ROBO1: variants seen among roughly 807,000 people sequenced by gnomAD.
ROBO1 encodes the protein roundabout homolog 1.
ROBO1 carries 149 observed loss-of-function variants against 195.9 expected under a neutral mutation model. The observed-to-expected ratio is 0.76, with a 90% CI of 0.67 to 0.87. The LOEUF (loss-of-function observed/expected upper bound fraction) is 0.87, where lower values mean the gene tolerates loss of function less well. Among genes scored for constraint, ROBO1 ranks in the 40% least tolerant of loss-of-function variants. The probability of loss-of-function intolerance (pLI) is 0.00; values close to 1 mark genes in which losing one functional copy is unlikely to be tolerated. For missense variants in ROBO1, 1,933 were observed against 2,068.3 expected (o/e 0.93, Z 1.27); for synonymous variants, 816 against 733.2 (o/e 1.11, Z -1.82).
chr3:79,103,866 G>A (rs1387537878), intron 3 of ROBO1, among the ~76,000 whole-genome samples: 1 of 151,564 alleles, frequency 6.6e-6, no homozygotes, highest in East Asian at 1.9e-4. Flanking sequence ...TAAGGCATTT[G>A]GCCTCAACTA....
At chr3:79,662,533 C>T (rs1256097656) in intron 1 of ROBO1, among the ~76,000 whole-genome samples, 1 of 152,078 alleles carries the variant, frequency 6.6e-6, no homozygotes, top group Non-Finnish European at 1.5e-5. Context: ...CAAGTTTCTC[C>T]TCAATGGAGT....
At chr3:78,735,815 T>C (rs915132907) in intron 5 of ROBO1, among the ~76,000 whole-genome samples, 1 of 152,184 alleles carries the variant, frequency 6.6e-6, no homozygotes, top group African/African-American at 2.4e-5. Context: ...TCATTTTAGA[T>C]GGGTTGATCA....
chr3:79,170,297 T>C (rs925294633), intron 2 of ROBO1, among the ~76,000 whole-genome samples: 2 of 152,284 alleles, frequency 1.3e-5, no homozygotes, highest in South Asian at 2.1e-4. Flanking sequence ...TGTTAACACA[T>C]GAATGCTGTC....
intron 2 of ROBO1, among the ~76,000 whole-genome samples, chr3:79,551,272 G>A (rs1045520636): frequency 6.6e-6 from 1 of 151,388 alleles, no homozygotes; most frequent in East Asian, 1.9e-4. Context: ...GTGCCATGCT[G>A]GTGTGCTGCA....
Position 79,627,411 on chromosome 3 carries a change from G to A in ROBO1, c.-50-37450C>T, listed in dbSNP as rs187759227. Among the ~76,000 whole-genome samples the A allele has an allele frequency of 3.3e-3, 506 of 152,114 alleles. 1 individual carries two copies. The highest frequency in any genetic ancestry group is 0.01 in the Middle Eastern group (3 of 294). ...ATCAAGCAATGGAGAAAGGATCTCC[G>A]ATTCAGTAAATGGTGCTGGGAAAAC... is the stretch of plus-strand genomic sequence containing the variant. On this transcript the variant is annotated intron_variant, in intron 1 of 30. Transcript: ENST00000464233.
At chr3:79,256,260 A>G (rs1210217046) in intron 2 of ROBO1, among the ~76,000 whole-genome samples, 2 of 152,136 alleles carry the variant, frequency 1.3e-5, no homozygotes, top group Non-Finnish European at 2.9e-5. Context: ...CTTTGGTTCT[A>G]ATTCGGAAGA....
At chr3:78,835,856 T>C (rs1038778451) in intron 4 of ROBO1, among the ~76,000 whole-genome samples, 2 of 152,296 alleles carry the variant, frequency 1.3e-5, no homozygotes, top group East Asian at 1.9e-4. Flanking sequence ...AATGGTACTG[T>C]TAGGGCTGAC....
chr3:79,366,555 T>C lies in ROBO1; in HGVS notation c.88+223269A>G, dbSNP rs537253035. On this transcript the variant is annotated intron_variant, in intron 2 of 30. Coordinates refer to ENST00000464233, the MANE Select transcript of ROBO1 (RefSeq NM_002941.4). ...TGCTCTCTTGGCAAGAGAGCAATGT[T>C]TTATATGCCCTCCTTACTCATCGCC... 2.0e-5 allele frequency among the ~76,000 whole-genome samples: 3 copies of C among 152,290 alleles called. No individual in the cohort carries two copies. The South Asian group carries it at 6.2e-4, about 32-fold the overall frequency.
chr3:79,282,501 T>G (rs1372349829), intron 2 of ROBO1, among the ~76,000 whole-genome samples: 1 of 152,076 alleles, frequency 6.6e-6, no homozygotes, highest in South Asian at 2.1e-4. Flanking sequence ...ACAGGAGAAG[T>G]GGAAGATAGC....
intron 2 of ROBO1, among the ~76,000 whole-genome samples, chr3:79,335,341 T>C (rs1455504680): frequency 6.6e-6 from 1 of 152,110 alleles, no homozygotes; most frequent in African/African-American, 2.4e-5. Context: ...TATCTAGGAA[T>C]GGTGATATGG....
At chr3:79,498,154 A>G (rs568554541) in intron 2 of ROBO1, among the ~76,000 whole-genome samples, 2 of 152,306 alleles carry the variant, frequency 1.3e-5, no homozygotes, top group South Asian at 2.1e-4. Context: ...AGAAATATGA[A>G]AAAATAATTT....
intron 2 of ROBO1, among the ~76,000 whole-genome samples, chr3:79,255,957 C>T (rs2082825840): frequency 1.3e-5 from 2 of 152,178 alleles, no homozygotes; most frequent in African/African-American, 4.8e-5. Context: ...TAGCCTGAGG[C>T]TCTTTCAGGA....
chr3:79,591,947 C>A (rs1320495502), intron 1 of ROBO1, among the ~76,000 whole-genome samples: 1 of 151,742 alleles, frequency 6.6e-6, no homozygotes, highest in Non-Finnish European at 1.5e-5. Context: ...CCTCTGATTT[C>A]TTAAATGTGT....
At chr3:79,301,770 A>C (rs934632865) in intron 2 of ROBO1, among the ~76,000 whole-genome samples, 32 of 152,242 alleles carry the variant, frequency 2.1e-4, no homozygotes, top group African/African-American at 7.7e-4. Context: ...GTTATTCTTC[A>C]GACATACTAA....
chr3:79,309,066 A>G lies in ROBO1; in HGVS notation c.89-183527T>C, dbSNP rs1576955322. Among the ~76,000 whole-genome samples the G allele has an allele frequency of 2.0e-5, 3 of 152,042 alleles. No individual in the cohort carries two copies. The East Asian group carries it at 5.8e-4, about 30-fold the overall frequency. ...GGTAGAGTCAATGGAAAATTGAAGA[A>G]AAAAAAAGCCACTGTTATTAATTAG... is the stretch of plus-strand genomic sequence containing the variant. On this transcript the variant is annotated intron_variant, in intron 2 of 30. Transcript: ENST00000464233.
At chr3:79,180,162 A>T (rs2108728289) in intron 2 of ROBO1, among the ~76,000 whole-genome samples, 1 of 152,298 alleles carries the variant, frequency 6.6e-6, no homozygotes, top group Admixed American at 6.5e-5. Flanking sequence ...AGTCTTTAGG[A>T]TGAAGCCCAA....
chr3:79,585,535 G>T (rs1943801015), intron 2 of ROBO1, among the ~76,000 whole-genome samples: 1 of 151,918 alleles, frequency 6.6e-6, no homozygotes, highest in African/African-American at 2.4e-5. Context: ...ACCAGTAGTG[G>T]CATCAAATCT....
intron 4 of ROBO1, among the ~76,000 whole-genome samples, chr3:78,935,253 A>G (rs2039742436): frequency 6.6e-6 from 1 of 152,060 alleles, no homozygotes; most frequent in South Asian, 2.1e-4. Context: ...TTTTGCTGCT[A>G]AGATAGCCAG....
chr3:79,688,848 C>G (rs1235298900), intron 1 of ROBO1, among the ~76,000 whole-genome samples: 2 of 151,910 alleles, frequency 1.3e-5, no homozygotes, highest in Non-Finnish European at 1.5e-5. Context: ...TTTGGTACAT[C>G]TGGAAATAAT....
Sources: gnomAD v4.1 joint callset for allele counts (sites outside exome capture counted in the v4.1 genomes callset) on GRCh38, gnomAD v4.1.1 for gene constraint, MANE v1.5 for transcripts, NCBI Gene and HGNC (gene_info 2026-07-23, HGNC 2026-07-21) for gene names.